Variants in GUCY1A2 observed in about 807,000 individuals in gnomAD.
GUCY1A2 encodes guanylate cyclase soluble subunit alpha-2.
GUCY1A2 carries 27 observed loss-of-function variants against 63.5 expected under a neutral mutation model. That is an observed-to-expected ratio of 0.43 (90% CI 0.31 to 0.59). The LOEUF is 0.59. Among genes scored for constraint, GUCY1A2 ranks in the 20% least tolerant of loss-of-function variants. The pLI, the probability that GUCY1A2 is intolerant of heterozygous loss-of-function variation, is 0.11. For missense variants in GUCY1A2, 768 were observed against 913.3 expected (o/e 0.84, Z 2.05); for synonymous variants, 364 against 343.5 (o/e 1.06, Z -0.66).
intron 4 of GUCY1A2, among the ~76,000 whole-genome samples, chr11:106,918,365 C>T (rs1245696784): frequency 6.9e-6 from 1 of 145,766 alleles, no homozygotes; most frequent in African/African-American, 2.4e-5. Flanking sequence ...CCCTTTAATT[C>T]TGCTCTTTGA....
chr11:106,892,408 T>C (rs979981163), intron 4 of GUCY1A2, among the ~76,000 whole-genome samples: 1 of 152,140 alleles, frequency 6.6e-6, no homozygotes, highest in Non-Finnish European at 1.5e-5. Context: ...TTTGTAATAA[T>C]TTCTTGCTTT....
chr11:106,776,133 C>CA, intron 6 of GUCY1A2, among the ~76,000 whole-genome samples: 1 of 152,236 alleles, frequency 6.6e-6, no homozygotes, highest in South Asian at 2.1e-4. Flanking sequence ...CGAATCTCAT[C>CA]ATCATCATTC....
chr11:106,869,145 C>T (rs1201613146), intron 4 of GUCY1A2, among the ~76,000 whole-genome samples: 2 of 152,156 alleles, frequency 1.3e-5, no homozygotes, highest in Middle Eastern at 3.4e-3. Flanking sequence ...GACCTAAAAC[C>T]ATAAAAACCC....
At chr11:106,954,767 TC>T (rs1219628195) in intron 3 of GUCY1A2, among the ~76,000 whole-genome samples, 2 of 152,168 alleles carry the variant, frequency 1.3e-5, no homozygotes, top group Non-Finnish European at 2.9e-5. Context: ...AATACCCTTG[TC>T]TTTTTGTATT....
At chr11:106,726,491 T>G (rs1345375701) in intron 6 of GUCY1A2, among the ~76,000 whole-genome samples, 3 of 152,100 alleles carry the variant, frequency 2.0e-5, no homozygotes, top group Admixed American at 1.3e-4. Flanking sequence ...AAGCAAAAAT[T>G]AAGTAGCACA....
intron 4 of GUCY1A2, among the ~76,000 whole-genome samples, chr11:106,838,314 A>C (rs1859144491): frequency 1.3e-5 from 2 of 151,970 alleles, no homozygotes; most frequent in Admixed American, 6.6e-5. Flanking sequence ...TAGGTCTAGC[A>C]TGGGACCTAA....
intron 4 of GUCY1A2, among the ~76,000 whole-genome samples, chr11:106,935,577 C>T (rs569912630): frequency 5.3e-5 from 8 of 152,082 alleles, no homozygotes; most frequent in Non-Finnish European, 1.0e-4. Context: ...CGGTGGCTCA[C>T]GCCTGTGATC....
intron 4 of GUCY1A2, among the ~76,000 whole-genome samples, chr11:106,935,848 C>T (rs1161648602): frequency 2.1e-5 from 3 of 143,690 alleles, no homozygotes; most frequent in Admixed American, 1.4e-4. Context: ...GACTCCATCT[C>T]CAAAAAAAAA....
At chr11:106,888,882 G>T (rs758166472) in intron 4 of GUCY1A2, among the ~76,000 whole-genome samples, 2 of 151,940 alleles carry the variant, frequency 1.3e-5, no homozygotes, top group African/African-American at 4.8e-5. Flanking sequence ...ACTTCTTGAG[G>T]ACAGGAAGAC....
At chr11:106,951,503 C>G (rs1860908647) in intron 3 of GUCY1A2, among the ~76,000 whole-genome samples, 1 of 152,110 alleles carries the variant, frequency 6.6e-6, no homozygotes, top group Non-Finnish European at 1.5e-5. Context: ...TGATGTTGAG[C>G]TTTTTTTCAT....
rs1407002811 is a variant in GUCY1A2 at position 106,708,615 on chromosome 11, G to A, written c.1888C>T (p.Arg630Ter). 2 of 1,611,424 alleles carry A rather than the reference G, an allele frequency of 1.2e-6. No homozygotes were observed. Among genetic ancestry groups the A allele is most frequent in the Non-Finnish European group, 8.5e-7 (1 of 1,178,480 alleles). ...CCAAACAGGCAATAACGTGGCATTC[G>A]CACCCCAACAACTCCAGCCAGCACG... ...GSVLAGVVGV[R>*]MPRYCLFGNN... is the part of the protein sequence containing the mutation. Residue 630 changes from arginine (R) to a stop codon, truncating the protein, a stop_gained, in exon 7 of 8, where the codon CGA becomes TGA. Coordinates refer to ENST00000526355, the MANE Select transcript of GUCY1A2 (RefSeq NM_000855.3). LOFTEE classifies it high-confidence loss of function.
At chr11:106,748,191 T>C (rs1304944744) in intron 6 of GUCY1A2, among the ~76,000 whole-genome samples, 2 of 152,132 alleles carry the variant, frequency 1.3e-5, no homozygotes, top group Admixed American at 6.6e-5. Context: ...AATTTTCTCT[T>C]CTAAAAGGTG....
At chr11:106,910,710 T>C (rs902707819) in intron 4 of GUCY1A2, among the ~76,000 whole-genome samples, 1 of 152,074 alleles carries the variant, frequency 6.6e-6, no homozygotes, top group African/African-American at 2.4e-5. Flanking sequence ...TTGGCCGAAA[T>C]GACTTAGACC....
At position 106,847,375 on chromosome 11, in the gene GUCY1A2, T is replaced by C. The variant is rs79127445; in HGVS notation, c.1207-36897A>G. ...AAAATGAAGATGATAATAATACCTT[T>C]GCTGTAAGATAGTTGTAAGAAATAA... is the stretch of plus-strand genomic sequence containing the variant. On this transcript the variant is annotated intron_variant, in intron 4 of 7. Transcript: ENST00000526355. Among the ~76,000 whole-genome samples, 1,209 of 151,508 alleles carry C rather than the reference T, an allele frequency of 8.0e-3. 10 individuals are homozygous for C. Among genetic ancestry groups the C allele is most frequent in the South Asian group, 0.032 (152 of 4,820 alleles).
chr11:106,776,302 A>T, intron 6 of GUCY1A2, 137 bp downstream of exon 6: 1 of 634,494 alleles, frequency 1.6e-6, no homozygotes, highest in Non-Finnish European at 2.8e-6. Context: ...AGTTATCTCT[A>T]GTCACTCCTT....
chr11:107,009,609 C>A (rs1565358955), intron 1 of GUCY1A2, among the ~76,000 whole-genome samples: 1 of 152,116 alleles, frequency 6.6e-6, no homozygotes, highest in Non-Finnish European at 1.5e-5. Context: ...GGGCAGAGTC[C>A]ACAGATAATT....
chr11:106,766,460 A>G lies in GUCY1A2; in HGVS notation c.1836+9979T>C, dbSNP rs1006827993. Among the ~76,000 whole-genome samples, 8 of 152,204 alleles carry G rather than the reference A, an allele frequency of 5.3e-5. No individual in the cohort carries two copies. The East Asian group carries it at 9.6e-4, about 18-fold the overall frequency. ...GTTTGCATATAAAAAGACTTTAAAG[A>G]TACATAAAAATGTAAAATATGTCTA... On this transcript the variant is annotated intron_variant, in intron 6 of 7. Coordinates refer to ENST00000526355, the MANE Select transcript of GUCY1A2 (RefSeq NM_000855.3).
chr11:106,843,860 G>T (rs1380024477), intron 4 of GUCY1A2, among the ~76,000 whole-genome samples: 1 of 151,798 alleles, frequency 6.6e-6, no homozygotes, highest in East Asian at 1.9e-4. Context: ...TTCGAAAATT[G>T]TGAGAAAAAT....
intron 4 of GUCY1A2, among the ~76,000 whole-genome samples, chr11:106,926,077 T>G (rs1044196836): frequency 1.3e-5 from 2 of 152,108 alleles, no homozygotes; most frequent in African/African-American, 2.4e-5. Context: ...AGATAGGAAA[T>G]AATACTTCAG....
Sources: gnomAD v4.1 joint callset for allele counts (sites outside exome capture counted in the v4.1 genomes callset) on GRCh38, gnomAD v4.1.1 for gene constraint, MANE v1.5 for transcripts, NCBI Gene and HGNC (gene_info 2026-07-23, HGNC 2026-07-21) for gene names.